SHROOM2: variants seen among roughly 807,000 people sequenced by gnomAD.
The protein encoded by SHROOM2 is protein Shroom2.
Under a neutral mutation model 75.9 loss-of-function variants are expected in SHROOM2, and 33 were observed. The ratio of observed to expected loss-of-function variants is 0.43; its 90% CI spans 0.33 to 0.58. SHROOM2 has a LOEUF of 0.58. Among genes scored for constraint, SHROOM2 ranks in the 20% least tolerant of loss-of-function variants. The pLI, the probability that SHROOM2 is intolerant of heterozygous loss-of-function variation, is 0.04. For missense variants in SHROOM2, 1,434 were observed against 1,461.2 expected (o/e 0.98, Z 0.30); for synonymous variants, 655 against 663.6 (o/e 0.99, Z 0.20).
At position 9,894,298 on chromosome X, in the gene SHROOM2, C is replaced by T. The variant is rs780417862; in HGVS notation, c.450-60C>T. ...AGGGTCAGCTGCGTCCACCGCCTTG[C>T]CCTTTGCCATTGCTGTTGCTAAAGC... On this transcript the variant is annotated intron_variant, in intron 3 of 9. Transcript: ENST00000380913. 8 of 1,094,736 alleles carry T rather than the reference C, an allele frequency of 7.3e-6. No individual in the cohort carries two copies. In the African/African-American group the frequency reaches 1.5e-4, roughly 20 times the overall value. The allele number at this position is 1,094,736 out of a possible 1,213,427, so 90.2% of individuals were successfully genotyped here. A position where few individuals can be genotyped will look rare whatever the true frequency, so the allele number is the denominator to read the frequency against.
intron 1 of SHROOM2, among the ~76,000 whole-genome samples, chrX:9,808,732 G>T (rs756706354): frequency 2.7e-5 from 3 of 110,001 alleles, no homozygotes; most frequent in Non-Finnish European, 5.7e-5. Context: ...CGTGGTATCA[G>T]GCGCCTATAA....
Position 9,786,445 on chromosome X carries a change from A to C in SHROOM2, c.-101A>C, listed in dbSNP as rs1665985510. The C allele has an allele frequency of 1.5e-6, 1 of 658,848 alleles. No homozygotes were observed. Among genetic ancestry groups the C allele is most frequent in the South Asian group, 7.7e-5 (1 of 12,939 alleles). The allele number at this position is 658,848 out of a possible 1,213,427, so 54.3% of individuals were successfully genotyped here. A position where few individuals can be genotyped will look rare whatever the true frequency, so the allele number is the denominator to read the frequency against. On this transcript the variant is annotated 5_prime_UTR_variant, in exon 1 of 10. Transcript: ENST00000380913. ...CGGGCCGGCACTTTCTTTCCAAGTT[A>C]CGGCGCAAGTTCTGCGGCGCTCGGA...
rs796862357 is a variant in SHROOM2 at position 9,868,234 on chromosome X, ATTTTTAT to A, written c.166-5414_166-5408del. Among the ~76,000 whole-genome samples, 21 of 57,408 alleles carry A rather than the reference ATTTTTAT, an allele frequency of 3.7e-4. No individual in the cohort carries two copies. The South Asian group carries it at 8.8e-3, about 24-fold the overall frequency. 49.9% of individuals were successfully genotyped at this position (57,408 alleles called of 115,157 possible). A position where few individuals can be genotyped will look rare whatever the true frequency, so the allele number is the denominator to read the frequency against. On this transcript the variant is annotated intron_variant, in intron 1 of 9. Coordinates refer to ENST00000380913, the MANE Select transcript of SHROOM2 (RefSeq NM_001649.4). ...TATTTTTATTTTTATTTTTATTTTT[ATTTTTAT>A]TTTATTTATTTATTTATTTTTTTAG... is the stretch of plus-strand genomic sequence containing the variant.
Position 9,823,756 on chromosome X carries a change from C to CTTTTTTTTTTTTTTTTTTTTTT in SHROOM2, c.165+37052_165+37053insTTTTTTTTTTTTTTTTTTTTTT, listed in dbSNP as rs1293537759. On this transcript the variant is annotated intron_variant, in intron 1 of 9. Transcript: ENST00000380913. Reference sequence around the variant, plus strand: ...ACATTTTTTTTCTTTTTTCTTTTTTCTTTTTTCTTTTTTTTTTTTTGAGAC... The same window carrying CTTTTTTTTTTTTTTTTTTTTTT: ...ACATTTTTTTTCTTTTTTCTTTTTTCTTTTTTTTTTTTTTTTTTTTTTTTTTTTCTTTTTTTTTTTTTGAGAC... Among the ~76,000 whole-genome samples the CTTTTTTTTTTTTTTTTTTTTTT allele has an allele frequency of 7.0e-5, 6 of 85,915 alleles. 3 individuals carry two copies. Among genetic ancestry groups the CTTTTTTTTTTTTTTTTTTTTTT allele is most frequent in the Non-Finnish European group, 4.5e-5 (2 of 44,759 alleles). 74.6% of individuals were successfully genotyped at this position (85,915 alleles called of 115,157 possible).
intron 1 of SHROOM2, among the ~76,000 whole-genome samples, chrX:9,849,837 G>C (rs961592825): frequency 8.9e-6 from 1 of 112,302 alleles, no homozygotes; most frequent in South Asian, 3.7e-4. Context: ...ACTCTTTCTT[G>C]AGTTTAAAAG....
intron 1 of SHROOM2, among the ~76,000 whole-genome samples, chrX:9,815,598 A>G (rs1207712394): frequency 9.3e-6 from 1 of 107,627 alleles, no homozygotes; most frequent in Non-Finnish European, 1.9e-5. Flanking sequence ...ATCTATATCT[A>G]TATCTATAAA....
intron 1 of SHROOM2, among the ~76,000 whole-genome samples, chrX:9,808,081 C>G (rs1453435153): frequency 2.7e-5 from 3 of 111,278 alleles, no homozygotes; most frequent in Non-Finnish European, 5.7e-5. Context: ...TCCTCCCAGA[C>G]TTTGCCCCGC....
chrX:9,940,817 C>T (rs1172645345), intron 8 of SHROOM2, among the ~76,000 whole-genome samples: 1 of 111,720 alleles, frequency 9.0e-6, no homozygotes, highest in Non-Finnish European at 1.9e-5. Flanking sequence ...ACCCTAATTC[C>T]GTAGGCTTCC....
At chrX:9,912,198 GACACACACACACACACACACACACACAC>G (rs57939278) in intron 5 of SHROOM2, among the ~76,000 whole-genome samples, 3 of 16,140 alleles carry the variant, frequency 1.9e-4, no homozygotes, top group African/African-American at 6.4e-4. Flanking sequence ...TAAATTACAA[GACACACACACACACACACACACACACAC>G]ACACACACAC....
intron 5 of SHROOM2, among the ~76,000 whole-genome samples, chrX:9,918,081 T>C (rs2084507459): frequency 8.9e-6 from 1 of 111,753 alleles, no homozygotes. Flanking sequence ...TTTGCCCCTA[T>C]GTTTTAATCA....
chrX:9,873,326 ATAAT>A (rs1443278857), intron 1 of SHROOM2, among the ~76,000 whole-genome samples: 4 of 112,899 alleles, frequency 3.5e-5, no homozygotes, highest in African/African-American at 1.3e-4. Context: ...TGTATGAGAA[ATAAT>A]TAATAAGTAA....
chrX:9,847,519 A>C (rs1431020026), intron 1 of SHROOM2, among the ~76,000 whole-genome samples: 1 of 112,066 alleles, frequency 8.9e-6, no homozygotes, highest in African/African-American at 3.2e-5. Context: ...ATGTCTGGAT[A>C]AGTTGAACTC....
Position 9,879,289 on chromosome X carries a change from CAG to C in SHROOM2, c.317+5489_317+5490del, listed in dbSNP as rs753154146. 5.1e-3 allele frequency among the ~76,000 whole-genome samples: 569 copies of C among 111,025 alleles called. 2 individuals carry two copies. The highest frequency in any genetic ancestry group is 0.018 in the African/African-American group (542 of 30,533). On this transcript the variant is annotated intron_variant, in intron 2 of 9. Transcript: ENST00000380913. ...TTTTATTTTTTCTATTTTTTTGAGA[CAG>C]AGTCTCCTTCTGTTGCTGGAGTGCA...
intron 5 of SHROOM2, among the ~76,000 whole-genome samples, chrX:9,903,784 A>G (rs2084377231): frequency 1.8e-5 from 2 of 110,521 alleles, no homozygotes; most frequent in African/African-American, 3.3e-5. Context: ...GGCTCAAGCG[A>G]TCCACCCATC....
At chrX:9,808,861 C>T (rs2083774334) in intron 1 of SHROOM2, among the ~76,000 whole-genome samples, 1 of 107,609 alleles carries the variant, frequency 9.3e-6, no homozygotes. Context: ...AACTTCGTCT[C>T]AAAAAAAAAA....
chrX:9,936,105 C>CT (rs1292071752), intron 6 of SHROOM2, among the ~76,000 whole-genome samples: 38 of 105,613 alleles, frequency 3.6e-4, no homozygotes, highest in Middle Eastern at 4.8e-3. Context: ...AGAAACTTTT[C>CT]TTTTTTTTTT....
intron 5 of SHROOM2, among the ~76,000 whole-genome samples, chrX:9,925,706 C>T (rs2084587691): frequency 8.9e-6 from 1 of 112,418 alleles, no homozygotes; most frequent in Admixed American, 9.4e-5. Context: ...AGATACTGCC[C>T]TATCCATTGC....
chrX:9,914,398 A>G (rs2084466793), intron 5 of SHROOM2, among the ~76,000 whole-genome samples: 1 of 109,788 alleles, frequency 9.1e-6, no homozygotes, highest in African/African-American at 3.3e-5. Flanking sequence ...GAATACATTT[A>G]CTTTACACTA....
In SHROOM2 at chrX:9,816,580, C is replaced by CCTG. The variant is rs112480338; in HGVS notation, c.165+29900_165+29902dup. 1.1e-3 allele frequency among the ~76,000 whole-genome samples: 112 copies of CCTG among 102,546 alleles called. No homozygotes were observed. In the South Asian group the frequency reaches 0.012, roughly 11 times the overall value. 89.0% of individuals were successfully genotyped at this position (102,546 alleles called of 115,157 possible). A position where few individuals can be genotyped will look rare whatever the true frequency, so the allele number is the denominator to read the frequency against. ...GTTTGTGGTTAGCTCAGCCTTACCC[C>CCTG]CTGCTGCTGCTGCTGCTGCTGCTGC... On this transcript the variant is annotated intron_variant, in intron 1 of 9. Coordinates refer to ENST00000380913, the MANE Select transcript of SHROOM2 (RefSeq NM_001649.4).
Sources: gnomAD v4.1 joint callset for allele counts (sites outside exome capture counted in the v4.1 genomes callset) on GRCh38, gnomAD v4.1.1 for gene constraint, MANE v1.5 for transcripts, NCBI Gene and HGNC (gene_info 2026-07-23, HGNC 2026-07-21) for gene names.